The following TRAPPC2L variants were observed in gnomAD, a reference collection of about 807,000 sequenced individuals.
TRAPPC2L encodes the protein trafficking protein particle complex subunit 2-like protein.
A neutral mutation model predicts 13.2 loss-of-function variants in TRAPPC2L; 17 were observed. That is an observed-to-expected ratio of 1.29 (90% confidence interval 0.88 to 1.93). TRAPPC2L has a LOEUF of 1.93. Ranked by LOEUF, TRAPPC2L falls within the 30% of genes most tolerant of loss-of-function variation. The pLI is 0.00. For missense variants in TRAPPC2L, 359 were observed against 252.1 expected (o/e 1.42, Z -2.87); for synonymous variants, 150 against 98.1 (o/e 1.53, Z -3.12).
chr16:88,859,074 A>C (rs1968193716), intron 2 of TRAPPC2L: 1 of 491,470 alleles, frequency 2.0e-6, no homozygotes, highest in African/African-American at 1.9e-5. Context: ...TGTACCTGCA[A>C]GGATTTCTTT....
At chr16:88,861,567 G>A in exon 4 of TRAPPC2L, 1 of 466,088 alleles carries the variant, frequency 2.1e-6, no homozygotes, top group Non-Finnish European at 4.4e-6. Context: ...CTAAACCTTG[G>A]AGCGCAGACT....
At chr16:88,860,344 AAC>A (rs1648246781) in exon 4 of TRAPPC2L, 1 of 674,804 alleles carries the variant, frequency 1.5e-6, no homozygotes, top group African/African-American at 1.8e-5. Flanking sequence ...TTGAATTTGG[AAC>A]AGTCAGGAAC....
chr16:88,859,551 T>C (rs1183914687), intron 2 of TRAPPC2L, 112 bp from the exon 3 acceptor site: 2 of 1,033,178 alleles, frequency 1.9e-6, no homozygotes, highest in Admixed American at 1.7e-5. Context: ...CAGCCCAGCA[T>C]GGGCATTTCC....
At chr16:88,856,371 C>T, upstream of TRAPPC2L, 1 of 701,666 alleles carries the variant, frequency 1.4e-6, no homozygotes, top group Non-Finnish European at 2.6e-6. Flanking sequence ...GGCCACGCTG[C>T]GCGCCCACCT....
At chr16:88,857,932 C>T (rs1362413899) in intron 1 of TRAPPC2L, among the ~76,000 whole-genome samples, 1 of 152,222 alleles carries the variant, frequency 6.6e-6, no homozygotes, top group African/African-American at 2.4e-5. Context: ...GAGACCGCTC[C>T]CTGCTGGGCG....
At chr16:88,861,768 A>T in exon 4 of TRAPPC2L, 1 of 430,516 alleles carries the variant, frequency 2.3e-6, no homozygotes, top group Admixed American at 2.5e-5. Context: ...GCACTGGTCC[A>T]GGACTGGAGA....
exon 4 of TRAPPC2L, chr16:88,860,790 A>C (rs1329847760): frequency 9.2e-7 from 1 of 1,089,210 alleles, no homozygotes; most frequent in East Asian, 2.6e-5. Flanking sequence ...AGCGGAGTTC[A>C]CATTTCTGGA....
intron 1 of TRAPPC2L, among the ~76,000 whole-genome samples, chr16:88,857,889 A>G (rs1451827789): frequency 6.6e-6 from 1 of 152,190 alleles, no homozygotes; most frequent in Admixed American, 6.5e-5. Context: ...CGGAGCCTTC[A>G]TTTCCTAGCC....
At chr16:88,861,466 T>C (rs2143017614) in exon 4 of TRAPPC2L, 3 of 351,762 alleles carry the variant, frequency 8.5e-6, no homozygotes, top group South Asian at 2.1e-5. Flanking sequence ...TCTGGCTCAA[T>C]GTCTGGATTC....
rs532374480 is a variant in TRAPPC2L at position 88,859,873 on chromosome 16, G to T, written c.295-20G>T. 6.4e-6 allele frequency: 10 copies of T among 1,551,716 alleles called. No homozygotes were observed. The East Asian group carries it at 2.3e-4, about 36-fold the overall frequency. On this transcript the variant is annotated intron_variant, in intron 3 of 3. Coordinates refer to ENST00000565504, the Ensembl canonical transcript of TRAPPC2L. Reference sequence around the variant, plus strand: ...GCTGTGTGTATGTGGCAAGGTCATGGTTTGCTGGGTCTTTTTCAGATGTTC... The same window carrying T: ...GCTGTGTGTATGTGGCAAGGTCATGTTTTGCTGGGTCTTTTTCAGATGTTC...
Position 88,858,524 on chromosome 16 carries a change from G to A in TRAPPC2L, c.34-95G>A, listed in dbSNP as rs1035406742. 1.1e-5 allele frequency: 15 copies of A among 1,377,630 alleles called. No homozygotes were observed. The African/African-American group carries it at 1.1e-4, about 11-fold the overall frequency. The allele number at this position is 1,377,630 out of a possible 1,614,324, so 85.3% of individuals were successfully genotyped here. A position where few individuals can be genotyped will look rare whatever the true frequency, so the allele number is the denominator to read the frequency against. On this transcript the variant is annotated intron_variant, in intron 1 of 3. Transcript: ENST00000565504. ...CTTAGAGCATGGGAATGCGTTCCCCGGGTGGCTGCAGGTCACGGCTCTGCA... is the reference window on the plus strand; with the variant it reads ...CTTAGAGCATGGGAATGCGTTCCCCAGGTGGCTGCAGGTCACGGCTCTGCA...
At chr16:88,859,159 T>A (rs11076728) in intron 2 of TRAPPC2L, 10 of 430,618 alleles carry the variant, frequency 2.3e-5, no homozygotes, top group Non-Finnish European at 4.4e-5. Flanking sequence ...GCCTTGCCTC[T>A]TATGTCACTA....
chr16:88,860,226 C>T lies in TRAPPC2L; in HGVS notation c.628C>T (p.Gln210Ter), dbSNP rs1020561617. Residue 210 changes from glutamine (Q) to a stop codon, truncating the protein, a stop_gained, in exon 4 of 4, where the codon CAG (glutamine) becomes TAG (stop). Coordinates refer to ENST00000565504, the Ensembl canonical transcript of TRAPPC2L. LOFTEE classifies it low-confidence loss of function (END_TRUNC). Reference sequence around the variant, plus strand: ...AGTAGAGCTTGCCCATTTGGCTTCCCAGGTGTGCCCAGTGGGTACCTGGGG... The same window carrying T: ...AGTAGAGCTTGCCCATTTGGCTTCCTAGGTGTGCCCAGTGGGTACCTGGGG... The T allele has an allele frequency of 1.2e-4, 86 of 703,236 alleles. No homozygotes were observed. Among genetic ancestry groups the T allele is most frequent in the Non-Finnish European group, 1.9e-4 (74 of 385,796 alleles). 43.6% of individuals were successfully genotyped at this position (703,236 alleles called of 1,614,324 possible). A position where few individuals can be genotyped will look rare whatever the true frequency, so the allele number is the denominator to read the frequency against.
chr16:88,856,241 C>G, upstream of TRAPPC2L: 1 of 703,050 alleles, frequency 1.4e-6, no homozygotes. Flanking sequence ...CAGAGACAGC[C>G]GTCAGGTAAG....
intron 3 of TRAPPC2L, 58 bp downstream of exon 3, chr16:88,859,808 C>A (rs979197166): frequency 6.3e-7 from 1 of 1,590,578 alleles, no homozygotes; most frequent in Admixed American, 1.8e-5. Context: ...TCCTTTTTGA[C>A]TTTGTTTTGA....
intron 1 of TRAPPC2L, 102 bp from the exon 2 acceptor site, chr16:88,858,517 G>A (rs1968140664): frequency 5.3e-6 from 7 of 1,322,186 alleles, no homozygotes; most frequent in African/African-American, 2.9e-5. Flanking sequence ...ATGGGAATGC[G>A]TTCCCCGGGT....
rs1968287586 is a variant in TRAPPC2L, at chr16:88,860,151, T to TTA, written c.554_555dup (p.His186TyrfsTer18). ...AAGCCCCGTTTCTCCACACCAACTC[T>TTA]TACACAGATCTCCAGCGCATAAAGT... On this transcript the variant is annotated frameshift_variant, in exon 4 of 4. Coordinates refer to ENST00000565504, the Ensembl canonical transcript of TRAPPC2L. LOFTEE classifies it low-confidence loss of function (END_TRUNC). 1.4e-6 allele frequency: 1 copy of TTA among 716,118 alleles called. No individual in the cohort carries two copies. Among genetic ancestry groups the TTA allele is most frequent in the South Asian group, 1.5e-5 (1 of 68,280 alleles). The allele number at this position is 716,118 out of a possible 1,614,324, so 44.4% of individuals were successfully genotyped here. A position where few individuals can be genotyped will look rare whatever the true frequency, so the allele number is the denominator to read the frequency against.
chr16:88,858,402 C>G (rs1041099941), intron 1 of TRAPPC2L, among the ~76,000 whole-genome samples: 1 of 152,176 alleles, frequency 6.6e-6, no homozygotes, highest in Non-Finnish European at 1.5e-5. Flanking sequence ...GCCCACCCTA[C>G]TGCTGCTGCT....
At chr16:88,856,953 G>A, upstream of TRAPPC2L, 9 of 1,437,422 alleles carry the variant, frequency 6.3e-6, no homozygotes, top group East Asian at 2.9e-5. Flanking sequence ...CGGCTGGGCT[G>A]CGGGGCGGGG....
Sources: allele counts gnomAD v4.1 joint callset (sites outside exome capture counted in the v4.1 genomes callset), GRCh38; gene constraint gnomAD v4.1.1; transcripts MANE v1.5; gene names NCBI Gene and HGNC (gene_info 2026-07-23, HGNC 2026-07-21).